RDH10: variants seen among roughly 807,000 people sequenced by gnomAD.
RDH10 encodes retinol dehydrogenase 10 (all-trans).
A neutral mutation model predicts 30.2 loss-of-function variants in RDH10; 12 were observed. The observed-to-expected ratio is 0.40, with a 90% CI of 0.25 to 0.64. RDH10 has a LOEUF of 0.64. RDH10 is among the 30% of genes least tolerant of loss of function. The pLI is 0.43. For synonymous variants in RDH10, 189 were observed against 172.2 expected (o/e 1.10, Z -0.76); for missense variants, 268 against 445.2 (o/e 0.60, Z 3.58).
intron 1 of RDH10, among the ~76,000 whole-genome samples, chr8:73,296,441 T>G (rs987550545): frequency 1.4e-4 from 22 of 152,146 alleles, no homozygotes; most frequent in Non-Finnish European, 2.8e-4. Context: ...CGTTTTTAAT[T>G]TAAGGGTGAA....
chr8:73,294,744 C>A lies in RDH10; in HGVS notation c.-546C>A, dbSNP rs1005451722. The A allele has an allele frequency of 8.2e-6, 3 of 367,492 alleles. No homozygotes were observed. The highest frequency in any genetic ancestry group is 1.5e-5 in the Non-Finnish European group (3 of 206,342). The allele number at this position is 367,492 out of a possible 1,614,324, so 22.8% of individuals were successfully genotyped here. A position where few individuals can be genotyped will look rare whatever the true frequency, so the allele number is the denominator to read the frequency against. On this transcript the variant is annotated 5_prime_UTR_variant, in exon 1 of 6. Transcript: ENST00000240285. The stretch of plus-strand genomic sequence containing the variant: ...GGCGTTGGGCAGCGCTTGCCTGCGC[C>A]GAGCGAGTCTCCCCTTCCCGGCGCT...
chr8:73,296,351 A>G (rs1351442874), intron 1 of RDH10, among the ~76,000 whole-genome samples: 1 of 152,078 alleles, frequency 6.6e-6, no homozygotes, highest in Non-Finnish European at 1.5e-5. Flanking sequence ...TTTAGGGAAA[A>G]CATTTACCTG....
At chr8:73,315,198 G>A (rs1586194094) in intron 2 of RDH10, among the ~76,000 whole-genome samples, 1 of 12,718 alleles carries the variant, frequency 7.9e-5, no homozygotes, top group East Asian at 2.1e-3. Flanking sequence ...TCCCCCCACC[G>A]GCCTCCTCTC....
chr8:73,304,695 C>T (rs944406133), intron 2 of RDH10, among the ~76,000 whole-genome samples: 1 of 152,174 alleles, frequency 6.6e-6, no homozygotes, highest in Non-Finnish European at 1.5e-5. Flanking sequence ...ATGCTTCACA[C>T]AAGAGCCTCT....
At chr8:73,297,616 C>T in intron 2 of RDH10, 187 bp downstream of exon 2, 1 of 550,016 alleles carries the variant, frequency 1.8e-6, no homozygotes, top group South Asian at 2.1e-5. Flanking sequence ...CGCCCACCCC[C>T]CCGCCACCCC....
intron 2 of RDH10, among the ~76,000 whole-genome samples, chr8:73,302,777 A>G (rs948320205): frequency 6.6e-6 from 1 of 152,250 alleles, no homozygotes; most frequent in Non-Finnish European, 1.5e-5. Flanking sequence ...TCAAAGTACT[A>G]ACATTGCTTT....
intron 2 of RDH10, among the ~76,000 whole-genome samples, chr8:73,307,941 T>G (rs1814491400): frequency 6.6e-6 from 1 of 152,234 alleles, no homozygotes; most frequent in Non-Finnish European, 1.5e-5. Flanking sequence ...AATACTATAC[T>G]AGAATTTTAT....
At position 73,323,687 on chromosome 8, in the gene RDH10, C is replaced by G. The variant is rs1159815892; in HGVS notation, c.*651C>G. 1 of 144,452 alleles carries G rather than the reference C, an allele frequency of 6.9e-6. No homozygotes were observed. Among genetic ancestry groups the G allele is most frequent in the Non-Finnish European group, 1.5e-5 (1 of 67,014 alleles). The allele number at this position is 144,452 out of a possible 1,614,324, so 8.9% of individuals were successfully genotyped here. ...TTTTTTTTTTTGATGGAGTCTCGCT[C>G]TGTCACCAGGCTGGAGTGCAGTAGC... is the stretch of plus-strand genomic sequence containing the variant. On this transcript the variant is annotated 3_prime_UTR_variant, in exon 6 of 6. Coordinates refer to ENST00000240285, the MANE Select transcript of RDH10 (RefSeq NM_172037.5).
chr8:73,304,440 G>A (rs1193921775), intron 2 of RDH10, among the ~76,000 whole-genome samples: 3 of 151,872 alleles, frequency 2.0e-5, no homozygotes, highest in South Asian at 2.1e-4. Context: ...TCCTGTATTC[G>A]CTTTTGGCTT....
rs1814848583 is a variant in RDH10, at chr8:73,325,139, C to T, written c.*2103C>T. On this transcript the variant is annotated 3_prime_UTR_variant, in exon 6 of 6. Coordinates refer to ENST00000240285, the MANE Select transcript of RDH10 (RefSeq NM_172037.5). ...AAATCTGTTATAATTTAACAACCCA[C>T]TTATCCACCTTAAAACTGAGGAAAG... 1.3e-5 allele frequency: 2 copies of T among 152,234 alleles called. No homozygotes were observed. The highest frequency in any genetic ancestry group is 4.1e-4 in the South Asian group (2 of 4,832). The allele number at this position is 152,234 out of a possible 1,614,324, so 9.4% of individuals were successfully genotyped here.
chr8:73,301,358 ATTC>A, intron 2 of RDH10, among the ~76,000 whole-genome samples: 1 of 151,672 alleles, frequency 6.6e-6, no homozygotes, highest in South Asian at 2.1e-4. Context: ...CCAAAACTCT[ATTC>A]TTAAGTCACT....
chr8:73,294,715 G>T lies in RDH10; in HGVS notation c.-575G>T. 1 of 369,848 alleles carries T rather than the reference G, an allele frequency of 2.7e-6. No homozygotes were observed. Among genetic ancestry groups the T allele is most frequent in the Non-Finnish European group, 4.8e-6 (1 of 207,854 alleles). 22.9% of individuals were successfully genotyped at this position (369,848 alleles called of 1,614,324 possible). ...GGAACGCGAGCCCTCGGGGGCAGCT[G>T]CAAGGCGTTGGGCAGCGCTTGCCTG... is the stretch of plus-strand genomic sequence containing the variant. On this transcript the variant is annotated 5_prime_UTR_variant, in exon 1 of 6. Coordinates refer to ENST00000240285, the MANE Select transcript of RDH10 (RefSeq NM_172037.5).
chr8:73,321,752 T>C (rs897702889), intron 4 of RDH10: 1 of 452,238 alleles, frequency 2.2e-6, no homozygotes, highest in Admixed American at 2.4e-5. Flanking sequence ...TTATCTTTGC[T>C]TGGGTGAGTT....
chr8:73,313,945 A>G (rs1271001272), intron 2 of RDH10, among the ~76,000 whole-genome samples: 3 of 152,176 alleles, frequency 2.0e-5, no homozygotes, highest in South Asian at 2.1e-4. Flanking sequence ...CAGCAGTCCT[A>G]TTGGTCAGCA....
Position 73,297,263 on chromosome 8 carries a change from G to T in RDH10, c.359G>T (p.Gly120Val), listed in dbSNP as rs1814284230. The change falls in exon 2 of 6, where the codon GGG becomes GTG. Residue 120 changes from glycine (G) to valine (V), a missense_variant. By Grantham distance (109) the Gly-to-Val change is moderately radical. Transcript: ENST00000240285. Reference protein sequence around the residue: ...LQVFTYTCDVGKRENVYLTAE... With the variant: ...LQVFTYTCDVVKRENVYLTAE... The stretch of plus-strand genomic sequence containing the variant: ...GTTTTTACCTACACCTGTGACGTGG[G>T]GAAGAGGGAGAACGTCTACCTGACG... 6.2e-7 allele frequency: 1 copy of T among 1,614,164 alleles called. No homozygotes were observed. Among genetic ancestry groups the T allele is most frequent in the Non-Finnish European group, 8.5e-7 (1 of 1,180,000 alleles).
In RDH10 at chr8:73,297,231, C is replaced by G. The variant is rs760053367; in HGVS notation, c.327C>G (p.Asn109Lys). ...NGEEEILPHC[N>K]LQVFTYTCDV... is the part of the protein sequence containing the mutation. ...AGGAAGAAATTCTGCCCCACTGTAA[C>G]TTGCAGGTTTTTACCTACACCTGTG... Residue 109 changes from asparagine (N) to lysine (K), a missense_variant, in exon 2 of 6, where the codon AAC becomes AAG. Physicochemically the swap from Asn to Lys is moderately conservative, Grantham distance 94. This residue lies in a region of RDH10 where 46 missense variants were observed against 36.7 expected (regional missense o/e 1.25). Transcript: ENST00000240285. 5 of 1,613,786 alleles carry G rather than the reference C, an allele frequency of 3.1e-6. No homozygotes were observed. The South Asian group carries it at 3.3e-5, about 11-fold the overall frequency.
chr8:73,315,579 TG>T (rs1247978913), intron 2 of RDH10: 6 of 455,780 alleles, frequency 1.3e-5, no homozygotes, highest in South Asian at 9.3e-5. Context: ...GATGTGGTGC[TG>T]GGGATCTGGA....
chr8:73,295,834 T>A (rs1012526390), intron 1 of RDH10: 14 of 1,261,420 alleles, frequency 1.1e-5, no homozygotes, highest in African/African-American at 3.1e-5. Context: ...GGGGGCGGGT[T>A]TCCTAAGCCC....
Position 73,295,252 on chromosome 8 carries a change from C to T in RDH10, c.-38C>T, listed in dbSNP as rs760789324. ...TTGCCGGGCTCGGGGTGGGCGCGGA[C>T]GCAGGCACTGGGCTCGTGCGGGGCC... On this transcript the variant is annotated 5_prime_UTR_variant, in exon 1 of 6. In the 5' UTR this introduces an upstream ATG that the reference lacks. Transcript: ENST00000240285. 1.3e-5 allele frequency: 20 copies of T among 1,511,402 alleles called. No individual in the cohort carries two copies. The highest frequency in any genetic ancestry group is 2.1e-5 in the Admixed American group (1 of 47,828). The allele number at this position is 1,511,402 out of a possible 1,614,324, so 93.6% of individuals were successfully genotyped here. A position where few individuals can be genotyped will look rare whatever the true frequency, so the allele number is the denominator to read the frequency against.
Sources: gnomAD v4.1 joint callset for allele counts (sites outside exome capture counted in the v4.1 genomes callset) on GRCh38, gnomAD v4.1.1 for gene constraint, gnomAD v4.1.1 regional missense constraint, MANE v1.5 for transcripts, NCBI Gene and HGNC (gene_info 2026-07-23, HGNC 2026-07-21) for gene names.